CDH3: variants seen among roughly 807,000 people sequenced by gnomAD.
CDH3 encodes cadherin 3, also known as cadherin-3.
A neutral mutation model predicts 82.0 loss-of-function variants in CDH3; 54 were observed. The ratio of observed to expected loss-of-function variants is 0.66; its 90% CI spans 0.53 to 0.83. The LOEUF is 0.83. Among genes scored for constraint, CDH3 ranks in the 40% least tolerant of loss-of-function variants. The pLI is 0.00. For synonymous variants in CDH3, 446 were observed against 437.9 expected (o/e 1.02, Z -0.23); for missense variants, 1,054 against 1,084.6 (o/e 0.97, Z 0.40).
chr16:68,701,369 A>G (rs528063868), downstream of CDH3, among the ~76,000 whole-genome samples: 7 of 152,252 alleles, frequency 4.6e-5, no homozygotes, highest in East Asian at 1.4e-3. Flanking sequence ...TAGTGCCTGT[A>G]ATAAGTAAAA....
downstream of CDH3, among the ~76,000 whole-genome samples, chr16:68,729,427 A>T (rs1962260690): frequency 6.6e-6 from 1 of 152,228 alleles, no homozygotes; most frequent in Non-Finnish European, 1.5e-5. Context: ...AGAAACAAAC[A>T]AAGGATACAT....
At chr16:68,670,852 C>T (rs750742930) in intron 2 of CDH3, among the ~76,000 whole-genome samples, 3 of 152,196 alleles carry the variant, frequency 2.0e-5, no homozygotes, top group Non-Finnish European at 2.9e-5. Context: ...GCGGGTGGAT[C>T]GCTTGAGGCC....
At chr16:68,682,240 CA>C in intron 8 of CDH3, 61 bp from the exon 9 acceptor site, 1 of 1,539,706 alleles carries the variant, frequency 6.5e-7, no homozygotes, top group Non-Finnish European at 8.9e-7. Context: ...GGAGGCTTCT[CA>C]GCCTCTGGAG....
rs146537179 is a variant in CDH3 at position 68,695,817 on chromosome 16, G to A, written c.2174G>A (p.Arg725Lys). The A allele has an allele frequency of 3.5e-5, 57 of 1,614,002 alleles. No individual in the cohort carries two copies. The African/African-American group carries it at 6.5e-4, about 19-fold the overall frequency. ...CAGCTCCACCGAGGTCTGGAGGCCA[G>A]GCCGGAGGTGGTTCTCCGCAATGAC... ...ITQLHRGLEA[R>K]PEVVLRNDVA... Residue 725 changes from arginine (R) to lysine (K), a missense_variant, in exon 15 of 16, where the codon AGG becomes AAG. By Grantham distance (26) the Arg-to-Lys change is conservative. Transcript: ENST00000264012.
downstream of CDH3, among the ~76,000 whole-genome samples, chr16:68,701,490 C>G (rs185416982): frequency 2.4e-3 from 366 of 151,918 alleles, no homozygotes; most frequent in Middle Eastern, 6.9e-3. Context: ...TTTTGTGTTT[C>G]AACACTTTGG....
chr16:68,696,192 G>A (rs995018344), intron 15 of CDH3: 15 of 448,562 alleles, frequency 3.3e-5, no homozygotes, highest in Admixed American at 3.2e-4. Context: ...AGGCTGAGAC[G>A]GGTGAATCAT....
chr16:68,647,617 G>A (rs1960115145), intron 2 of CDH3, among the ~76,000 whole-genome samples: 2 of 152,092 alleles, frequency 1.3e-5, no homozygotes, highest in African/African-American at 4.8e-5. Flanking sequence ...CACACGGCTG[G>A]GTCTTAGAGT....
intron 12 of CDH3, among the ~76,000 whole-genome samples, chr16:68,691,015 T>C (rs1961557368): frequency 6.7e-6 from 1 of 150,178 alleles, no homozygotes; most frequent in Admixed American, 6.6e-5. Context: ...TACTTTCTTT[T>C]TTTTTTTTTT....
chr16:68,679,333 G>C (rs1412444601), intron 6 of CDH3, among the ~76,000 whole-genome samples: 1 of 152,200 alleles, frequency 6.6e-6, no homozygotes, highest in African/African-American at 2.4e-5. Context: ...AATACAGAGC[G>C]CCTAATGCGA....
intron 2 of CDH3, among the ~76,000 whole-genome samples, chr16:68,657,006 A>G (rs556346562): frequency 6.6e-6 from 1 of 152,144 alleles, no homozygotes; most frequent in African/African-American, 2.4e-5. Context: ...TGCTCTGGGT[A>G]GAAGAGCTTG....
At chr16:68,680,346 T>C (rs751289352) in intron 7 of CDH3, among the ~76,000 whole-genome samples, 14 of 152,364 alleles carry the variant, frequency 9.2e-5, no homozygotes, top group Middle Eastern at 3.4e-3. Flanking sequence ...TTGCTGCCTG[T>C]TTCCTAATTG....
chr16:68,647,034 G>C (rs1258984899), intron 2 of CDH3, among the ~76,000 whole-genome samples: 1 of 152,112 alleles, frequency 6.6e-6, no homozygotes, highest in Non-Finnish European at 1.5e-5. Flanking sequence ...ACCCAGGCTA[G>C]GCTAGGCTCC....
chr16:68,685,196 C>T lies in CDH3; in HGVS notation c.1425-9C>T. 6.2e-7 allele frequency: 1 copy of T among 1,613,982 alleles called. No homozygotes were observed. ...TCTGGATGTACTCGTCTCAACTTTT[C>T]CTCTCCAGCTACCGCATCCTGAGAG... On this transcript the variant is annotated splice_polypyrimidine_tract_variant and intron_variant, in intron 10 of 15. Transcript: ENST00000264012.
intron 15 of CDH3, 100 bp from the exon 16 acceptor site, chr16:68,698,091 A>AG: frequency 1.9e-6 from 2 of 1,040,888 alleles, no homozygotes; most frequent in African/African-American, 1.6e-5. Context: ...CAAAACCTTT[A>AG]GGGGAGGGGA....
At chr16:68,672,979 A>C (rs1174049035) in intron 2 of CDH3, among the ~76,000 whole-genome samples, 1 of 152,168 alleles carries the variant, frequency 6.6e-6, no homozygotes, top group Non-Finnish European at 1.5e-5. Flanking sequence ...TATGTTTGTT[A>C]AATTTCCCAT....
Position 68,684,614 on chromosome 16 carries a change from C to A in CDH3, c.1214C>A (p.Thr405Asn), listed in dbSNP as rs746238967. Residue 405 changes from threonine to asparagine, a missense_variant, in exon 10 of 16, where the codon ACC (threonine) becomes AAC (asparagine). Coordinates refer to ENST00000264012, the MANE Select transcript of CDH3 (RefSeq NM_001793.6). ...GLDFEAKNQH[T>N]LYVEVTNEAP... Reference sequence around the variant, plus strand: ...GATTTTGAGGCCAAAAACCAGCACACCCTGTACGTTGAAGTGACCAACGAG... The same window carrying A: ...GATTTTGAGGCCAAAAACCAGCACAACCTGTACGTTGAAGTGACCAACGAG... The A allele has an allele frequency of 1.2e-6, 2 of 1,614,084 alleles. No homozygotes were observed. Among genetic ancestry groups the A allele is most frequent in the African/African-American group, 2.7e-5 (2 of 74,928 alleles).
At chr16:68,646,034 G>A in intron 2 of CDH3, 1 of 474,180 alleles carries the variant, frequency 2.1e-6, no homozygotes, top group Non-Finnish European at 3.8e-6. Context: ...CAGTCTCGAC[G>A]TGGGAAGTTC....
At chr16:68,727,759 A>G (rs545241853), downstream of CDH3, among the ~76,000 whole-genome samples, 2 of 152,230 alleles carry the variant, frequency 1.3e-5, no homozygotes, top group South Asian at 4.1e-4. Flanking sequence ...AAATAAAAAA[A>G]TTAGCCAGGC....
At chr16:68,674,159 G>A (rs141868894) in intron 2 of CDH3, among the ~76,000 whole-genome samples, 19 of 152,226 alleles carry the variant, frequency 1.2e-4, no homozygotes, top group East Asian at 9.6e-4. Context: ...AGCAGTGTAC[G>A]ACAATTCCAA....
Sources: allele counts gnomAD v4.1 joint callset (sites outside exome capture counted in the v4.1 genomes callset), GRCh38; gene constraint gnomAD v4.1.1; transcripts MANE v1.5; gene names NCBI Gene and HGNC (gene_info 2026-07-23, HGNC 2026-07-21).